CEP70: variants seen among roughly 807,000 people sequenced by gnomAD.
CEP70 encodes centrosomal protein 70.
A neutral mutation model predicts 90.9 loss-of-function variants in CEP70; 70 were observed. That is an observed-to-expected ratio of 0.77 (90% CI 0.64 to 0.94). The LOEUF is 0.94. Among genes scored for constraint, CEP70 ranks in the 40% least tolerant of loss-of-function variants. The probability of loss-of-function intolerance (pLI) is 0.00; values close to 1 mark genes in which losing one functional copy is unlikely to be tolerated. For synonymous variants in CEP70, 220 were observed against 228.3 expected, an observed-to-expected ratio of 0.96 and a Z score of 0.33; for missense variants, 648 against 669.0, an observed-to-expected ratio of 0.97 and a Z score of 0.35.
chr3:138,573,481 C>T (rs1357164479), intron 2 of CEP70, among the ~76,000 whole-genome samples: 1 of 151,516 alleles, frequency 6.6e-6, no homozygotes, highest in African/African-American at 2.4e-5. Context: ...AATTCCAAAG[C>T]CAGTGAAAAC....
chr3:138,589,861 T>C lies in CEP70; in HGVS notation c.-6+1993A>G, dbSNP rs2042293645. On this transcript the variant is annotated intron_variant, in intron 2 of 17. Transcript: ENST00000264982. The stretch of plus-strand genomic sequence containing the variant: ...TATCTGCAAAATTGACTTTGAAGTA[T>C]AAAAAGAATAAACTTTGATCAATAT... 1.3e-5 allele frequency among the ~76,000 whole-genome samples: 2 copies of C among 152,152 alleles called. 1 individual carries two copies. Among genetic ancestry groups the C allele is most frequent in the South Asian group, 4.1e-4 (2 of 4,824 alleles).
At chr3:138,553,639 A>G (rs1187657416) in intron 6 of CEP70, among the ~76,000 whole-genome samples, 1 of 152,168 alleles carries the variant, frequency 6.6e-6, no homozygotes, top group Non-Finnish European at 1.5e-5. Flanking sequence ...TCACCCTAAT[A>G]CCAAAACTAG....
In CEP70 at chr3:138,505,525, A is replaced by G; in HGVS notation, c.1051-60T>C. 3.4e-6 allele frequency: 4 copies of G among 1,160,498 alleles called. No homozygotes were observed. In the East Asian group the frequency reaches 7.6e-5, roughly 22 times the overall value. The allele number at this position is 1,160,498 out of a possible 1,614,324, so 71.9% of individuals were successfully genotyped here. The stretch of plus-strand genomic sequence containing the variant: ...TTATCCTATGCCTACAAAGTTATAT[A>G]TTTTAAAGGAGTGCTTTATGTCTAT... On this transcript the variant is annotated intron_variant, in intron 12 of 17. Transcript: ENST00000264982.
In CEP70 at chr3:138,575,709, G is replaced by A. The variant is rs907115081; in HGVS notation, c.-5-2777C>T. Among the ~76,000 whole-genome samples the A allele has an allele frequency of 4.1e-4, 62 of 152,122 alleles. 2 individuals are homozygous for A. Among genetic ancestry groups the A allele is most frequent in the Admixed American group, 2.6e-3 (39 of 15,268 alleles). On this transcript the variant is annotated intron_variant, in intron 2 of 17. Coordinates refer to ENST00000264982, the MANE Select transcript of CEP70 (RefSeq NM_024491.4). ...TTAAGGGCAGCCAGAGAGAAAGCTC[G>A]GGTTACCCACAAAGGGAAGCCCATC...
chr3:138,526,686 T>G (rs2037287179), intron 10 of CEP70, among the ~76,000 whole-genome samples: 1 of 152,184 alleles, frequency 6.6e-6, no homozygotes, highest in Non-Finnish European at 1.5e-5. Context: ...ACTTTTCTTC[T>G]CATCCCACAG....
intron 11 of CEP70, among the ~76,000 whole-genome samples, chr3:138,520,694 G>A (rs2036530503): frequency 6.6e-6 from 1 of 152,142 alleles, no homozygotes; most frequent in South Asian, 2.1e-4. Flanking sequence ...GTGTGTAGAG[G>A]GAAATTTATA....
intron 17 of CEP70, chr3:138,497,053 A>G (rs557738504): frequency 1.9e-6 from 2 of 1,031,272 alleles, no homozygotes; most frequent in Non-Finnish European, 2.3e-6. Context: ...ACACTTATAC[A>G]GTTTCATACC....
In CEP70 at chr3:138,500,192, T is replaced by TA; in HGVS notation, c.1569_1570insT (p.Thr524TyrfsTer7). ...ATCAGCCTACAGAGTTTTCCAACAG[T>TA]GCTTACTAGCACACACAATGAGGAT... On this transcript the variant is annotated frameshift_variant, in exon 16 of 18. Transcript: ENST00000264982. LOFTEE classifies it high-confidence loss of function. 3 of 1,613,592 alleles carry TA rather than the reference T, an allele frequency of 1.9e-6. 1 individual carries two copies. In the South Asian group the frequency reaches 3.3e-5, roughly 18 times the overall value.
At chr3:138,575,967 G>T (rs1020216841) in intron 2 of CEP70, among the ~76,000 whole-genome samples, 1 of 152,148 alleles carries the variant, frequency 6.6e-6, no homozygotes, top group African/African-American at 2.4e-5. Flanking sequence ...AACATGGAAA[G>T]GAACAACCAG....
intron 6 of CEP70, among the ~76,000 whole-genome samples, chr3:138,568,799 T>C (rs1475360979): frequency 7.2e-5 from 11 of 151,760 alleles, no homozygotes; most frequent in Non-Finnish European, 2.9e-5. Flanking sequence ...GCCAAGATAG[T>C]GAAACCCCAT....
At chr3:138,536,441 A>G (rs1041003637) in intron 7 of CEP70, among the ~76,000 whole-genome samples, 4 of 152,118 alleles carry the variant, frequency 2.6e-5, no homozygotes, top group African/African-American at 9.6e-5. Context: ...TAACTGCATT[A>G]TAATTTGGTG....
At chr3:138,498,395 TGGCGCTGTCTC>T (rs1473475159) in intron 16 of CEP70, among the ~76,000 whole-genome samples, 1 of 150,782 alleles carries the variant, frequency 6.6e-6, no homozygotes, top group African/African-American at 2.4e-5. Flanking sequence ...TGGAGTGCAG[TGGCGCTGTCTC>T]GGCTCACTGC....
chr3:138,525,943 A>T (rs1221390691), intron 10 of CEP70, among the ~76,000 whole-genome samples: 1 of 152,182 alleles, frequency 6.6e-6, no homozygotes, highest in Non-Finnish European at 1.5e-5. Context: ...TATACTTAAA[A>T]TTCCCTCATT....
intron 11 of CEP70, among the ~76,000 whole-genome samples, chr3:138,516,670 G>A (rs909798074): frequency 1.3e-5 from 2 of 152,200 alleles, no homozygotes; most frequent in Non-Finnish European, 2.9e-5. Flanking sequence ...ACAGGCGTGA[G>A]CCACTGCACC....
intron 6 of CEP70, among the ~76,000 whole-genome samples, chr3:138,560,182 G>C (rs1413284520): frequency 6.6e-6 from 1 of 152,194 alleles, no homozygotes; most frequent in Non-Finnish European, 1.5e-5. Flanking sequence ...AATTGGGATT[G>C]GTTGGACAGT....
chr3:138,548,633 A>G (rs568748782), intron 6 of CEP70, among the ~76,000 whole-genome samples: 11 of 152,238 alleles, frequency 7.2e-5, no homozygotes, highest in Admixed American at 2.6e-4. Context: ...ATAAGGAAAC[A>G]AGACACCATG....
In CEP70 at chr3:138,587,620, C is replaced by CAAAAAAAA. The variant is rs5852917; in HGVS notation, c.-6+4226_-6+4233dup. On this transcript the variant is annotated intron_variant, in intron 2 of 17. Transcript: ENST00000264982. ...GCAACATAGCAAGACCCCATCTCTACAAAAAAAAGATTAGCCAGGCATTGT... is the reference window on the plus strand; with the variant it reads ...GCAACATAGCAAGACCCCATCTCTACAAAAAAAAAAAAAAAAGATTAGCCAGGCATTGT... 8.7e-5 allele frequency among the ~76,000 whole-genome samples: 12 copies of CAAAAAAAA among 137,444 alleles called. 1 individual carries two copies. The highest frequency in any genetic ancestry group is 1.4e-4 in the African/African-American group (5 of 36,694). 90.2% of individuals were successfully genotyped at this position (137,444 alleles called of 152,430 possible).
intron 2 of CEP70, among the ~76,000 whole-genome samples, chr3:138,576,713 C>G (rs896230453): frequency 2.0e-5 from 3 of 152,174 alleles, no homozygotes; most frequent in Admixed American, 1.3e-4. Context: ...TAAAGCACTC[C>G]TCAGCAAATG....
At chr3:138,539,489 T>A (rs925190117) in intron 6 of CEP70, among the ~76,000 whole-genome samples, 2 of 152,026 alleles carry the variant, frequency 1.3e-5, no homozygotes, top group Non-Finnish European at 1.5e-5. Context: ...TAATAACTTT[T>A]AAAAAAACAA....
Sources: allele counts gnomAD v4.1 joint callset (sites outside exome capture counted in the v4.1 genomes callset), GRCh38; gene constraint gnomAD v4.1.1; transcripts MANE v1.5; gene names NCBI Gene and HGNC (gene_info 2026-07-23, HGNC 2026-07-21).